The following RPS6KC1 variants were observed in gnomAD, a reference collection of about 807,000 sequenced individuals.
The protein encoded by RPS6KC1 is ribosomal protein S6 kinase C1.
A neutral mutation model predicts 103.8 loss-of-function variants in RPS6KC1; 54 were observed. The ratio of observed to expected loss-of-function variants is 0.52; its 90% CI spans 0.42 to 0.65. The LOEUF (loss-of-function observed/expected upper bound fraction) is 0.65. Ranked by LOEUF, RPS6KC1 falls within the 30% of genes least tolerant of loss-of-function variation. RPS6KC1 has a pLI of 0.00. For synonymous variants in RPS6KC1, 439 were observed against 438.7 expected, an observed-to-expected ratio of 1.00 and a Z score of -0.01; for missense variants, 1,151 against 1,253.8, an observed-to-expected ratio of 0.92 and a Z score of 1.24.
At chr1:213,808,152 AG>A in the RPS6KC1 span, among the ~76,000 whole-genome samples, 1 of 151,620 alleles carries the variant, frequency 6.6e-6, no homozygotes, top group Non-Finnish European at 1.5e-5. Context: ...GTCTCAGAGG[AG>A]TACCCGGCTG....
the RPS6KC1 span, among the ~76,000 whole-genome samples, chr1:213,537,931 G>A: frequency 6.6e-6 from 1 of 152,140 alleles, no homozygotes; most frequent in Non-Finnish European, 1.5e-5. Context: ...AAGAGATTAG[G>A]TATGAAGAAT....
intron 10 of RPS6KC1, among the ~76,000 whole-genome samples, chr1:213,238,806 A>C (rs927205707): frequency 6.6e-6 from 1 of 152,188 alleles, no homozygotes; most frequent in Non-Finnish European, 1.5e-5. Context: ...TGTCCTGCAC[A>C]TTGTGTAGGC....
chr1:213,588,697 C>T, the RPS6KC1 span, among the ~76,000 whole-genome samples: 1 of 152,292 alleles, frequency 6.6e-6, no homozygotes, highest in African/African-American at 2.4e-5. Context: ...ATCTCCCATG[C>T]ACCTGCCCCA....
chr1:213,117,240 A>G, intron 4 of RPS6KC1, 77 bp from the exon 5 acceptor site: 1 of 818,452 alleles, frequency 1.2e-6, no homozygotes, highest in South Asian at 1.6e-5. Flanking sequence ...CACATACTTA[A>G]TTGGGATAAC....
At chr1:213,729,575 C>T in the RPS6KC1 span, among the ~76,000 whole-genome samples, 1 of 152,086 alleles carries the variant, frequency 6.6e-6, no homozygotes, top group East Asian at 1.9e-4. Context: ...TTCCTGGAAA[C>T]CTGTTGGTCT....
chr1:213,349,392 A>G, the RPS6KC1 span, among the ~76,000 whole-genome samples: 42 of 152,292 alleles, frequency 2.8e-4, 2 homozygotes, highest in Non-Finnish European at 1.8e-4. Flanking sequence ...AATTCAGCAC[A>G]GTAAGGAGAA....
chr1:213,105,157 C>T (rs1204117266), intron 4 of RPS6KC1, among the ~76,000 whole-genome samples: 3 of 150,238 alleles, frequency 2.0e-5, no homozygotes, highest in African/African-American at 7.3e-5. Flanking sequence ...AATTATATTA[C>T]TGGAGATCAT....
At chr1:213,342,849 G>A in the RPS6KC1 span, among the ~76,000 whole-genome samples, 1 of 152,060 alleles carries the variant, frequency 6.6e-6, no homozygotes, top group Non-Finnish European at 1.5e-5. Flanking sequence ...AACGGAAGAG[G>A]ACTTAAACAT....
the RPS6KC1 span, among the ~76,000 whole-genome samples, chr1:213,384,285 T>A: frequency 0.011 from 1,517 of 140,172 alleles, 22 homozygotes; most frequent in African/African-American, 0.03. Flanking sequence ...CAAAAAAAAA[T>A]ATATATATAT....
chr1:213,548,842 A>G, the RPS6KC1 span, among the ~76,000 whole-genome samples: 1 of 152,316 alleles, frequency 6.6e-6, no homozygotes, highest in South Asian at 2.1e-4. Context: ...TATGCTTTAT[A>G]TACTTTATTG....
At chr1:213,339,477 G>A in the RPS6KC1 span, among the ~76,000 whole-genome samples, 5 of 152,298 alleles carry the variant, frequency 3.3e-5, no homozygotes, top group South Asian at 2.1e-4. Context: ...ATAGTGTAGC[G>A]TTGCTTTAAG....
chr1:213,249,570 A>G (rs960180018), intron 12 of RPS6KC1, among the ~76,000 whole-genome samples: 3 of 152,172 alleles, frequency 2.0e-5, no homozygotes, highest in Non-Finnish European at 4.4e-5. Flanking sequence ...TCATTCTCAC[A>G]ATTTTCAGTT....
At chr1:213,840,786 T>G in the RPS6KC1 span, 2 of 152,042 alleles carry the variant, frequency 1.3e-5, no homozygotes, top group Admixed American at 1.3e-4. Context: ...TTCAGTTATG[T>G]CCAACAAGGC....
chr1:213,257,786 CTTTTTTTTTTTTTTTTTT>C (rs71147062), intron 12 of RPS6KC1, among the ~76,000 whole-genome samples: 590 of 49,474 alleles, frequency 0.012, 16 homozygotes, highest in Admixed American at 0.019. Context: ...ACAGGTAAAA[CTTTTTTTTTTTTTTTTTT>C]TTTTTTTTTT....
At chr1:213,408,163 A>T in the RPS6KC1 span, among the ~76,000 whole-genome samples, 1 of 152,210 alleles carries the variant, frequency 6.6e-6, no homozygotes, top group Non-Finnish European at 1.5e-5. Flanking sequence ...CAATCTAGCC[A>T]CAATCAGGCT....
the RPS6KC1 span, among the ~76,000 whole-genome samples, chr1:213,591,223 T>C: frequency 6.6e-6 from 1 of 152,212 alleles, no homozygotes; most frequent in Non-Finnish European, 1.5e-5. Flanking sequence ...CATATTCTTC[T>C]CTGCCCCTAC....
chr1:213,226,159 C>T (rs1573438700), intron 8 of RPS6KC1, among the ~76,000 whole-genome samples: 1 of 148,688 alleles, frequency 6.7e-6, no homozygotes, highest in Non-Finnish European at 1.5e-5. Context: ...GGAGGCAGAG[C>T]TTGAAGTGAG....
the RPS6KC1 span, among the ~76,000 whole-genome samples, chr1:213,343,576 C>T: frequency 1.3e-5 from 2 of 150,666 alleles, no homozygotes; most frequent in African/African-American, 4.9e-5. Context: ...TGTTCTCACT[C>T]ATAAGTGAGA....
chr1:213,455,956 T>G, the RPS6KC1 span, among the ~76,000 whole-genome samples: 4 of 152,158 alleles, frequency 2.6e-5, no homozygotes, highest in African/African-American at 4.8e-5. Flanking sequence ...CTCCCCACCT[T>G]ACCCGTGGGG....
Sources: gnomAD v4.1 joint callset for allele counts (sites outside exome capture counted in the v4.1 genomes callset) on GRCh38, gnomAD v4.1.1 for gene constraint, MANE v1.5 for transcripts, NCBI Gene and HGNC (gene_info 2026-07-23, HGNC 2026-07-21) for gene names.